Variants in GARIN5A observed in about 807,000 individuals in gnomAD.
GARIN5A encodes Golgi-associated RAB2 interactor protein 5A.
the GARIN5A span, among the ~76,000 whole-genome samples, chr19:50,473,286 T>TTCCC: frequency 2.0e-5 from 3 of 152,150 alleles, no homozygotes; most frequent in Non-Finnish European, 4.4e-5. Flanking sequence ...CCTTCCTTCC[T>TTCCC]TCCCTCCTTC....
the GARIN5A span, chr19:50,467,566 T>A: frequency 6.5e-7 from 1 of 1,534,024 alleles, no homozygotes; most frequent in Non-Finnish European, 8.8e-7. Flanking sequence ...CTCCTCCCAC[T>A]CCCTCTGGGC....
the GARIN5A span, chr19:50,467,772 G>C: frequency 1.9e-6 from 3 of 1,611,920 alleles, no homozygotes; most frequent in Non-Finnish European, 2.5e-6. Context: ...ACTTGACCTC[G>C]AGCTGACACC....
chr19:50,475,009 A>T, the GARIN5A span, among the ~76,000 whole-genome samples: 1 of 152,326 alleles, frequency 6.6e-6, no homozygotes, highest in East Asian at 1.9e-4. Flanking sequence ...ATGTGAAGAT[A>T]TGAGGTCAGA....
At chr19:50,475,048 G>C in the GARIN5A span, among the ~76,000 whole-genome samples, 1 of 152,204 alleles carries the variant, frequency 6.6e-6, no homozygotes, top group Non-Finnish European at 1.5e-5. Context: ...GCCTAGGGGC[G>C]TCTGGCATGA....
the GARIN5A span, among the ~76,000 whole-genome samples, chr19:50,473,606 C>G: frequency 4.6e-5 from 7 of 152,238 alleles, no homozygotes; most frequent in East Asian, 1.4e-3. Context: ...GTAATCCTCC[C>G]ACCTCAGCCT....
the GARIN5A span, chr19:50,475,637 T>A: frequency 1.4e-6 from 1 of 701,964 alleles, no homozygotes; most frequent in Non-Finnish European, 2.4e-6. Flanking sequence ...TCAGGGAAAC[T>A]GAGGCAAGGG....
chr19:50,472,347 G>T, the GARIN5A span, among the ~76,000 whole-genome samples: 1 of 151,262 alleles, frequency 6.6e-6, no homozygotes, highest in African/African-American at 2.4e-5. Context: ...GTCAGAAACT[G>T]CCCCAGAATA....
At chr19:50,472,168 G>A in the GARIN5A span, among the ~76,000 whole-genome samples, 5,894 of 122,928 alleles carry the variant, frequency 0.048, 683 homozygotes, top group African/African-American at 0.2. Context: ...GTATGTATAC[G>A]TGTGTATATG....
chr19:50,472,243 TTA>T, the GARIN5A span, among the ~76,000 whole-genome samples: 1 of 133,876 alleles, frequency 7.5e-6, no homozygotes, highest in South Asian at 2.3e-4. Context: ...TATGTGTGTA[TTA>T]TATATACATG....
the GARIN5A span, chr19:50,476,290 A>C: frequency 9.4e-5 from 151 of 1,603,358 alleles, no homozygotes; most frequent in South Asian, 2.2e-4. Flanking sequence ...CATGATGCGG[A>C]GCGGGCTTTA....
chr19:50,472,261 G>A, the GARIN5A span, among the ~76,000 whole-genome samples: 4 of 115,972 alleles, frequency 3.4e-5, no homozygotes, highest in Admixed American at 2.4e-4. Context: ...ACATGTATGT[G>A]TGTATATATG....
the GARIN5A span, among the ~76,000 whole-genome samples, chr19:50,472,030 G>GTACGTGTGTGTATATGTATATA: frequency 7.2e-6 from 1 of 138,830 alleles, no homozygotes; most frequent in Non-Finnish European, 1.5e-5. Flanking sequence ...ATATGTATAT[G>GTACGTGTGTGTATATGTATATA]TACGTGTGTG....
the GARIN5A span, chr19:50,475,918 C>T: frequency 3.1e-6 from 5 of 1,613,592 alleles, no homozygotes; most frequent in East Asian, 2.2e-5. Context: ...CCGTCTGGGA[C>T]GGCCCGTGGG....
At chr19:50,467,665 C>T in the GARIN5A span, 44 of 1,580,898 alleles carry the variant, frequency 2.8e-5, no homozygotes, top group African/African-American at 5.4e-5. Context: ...AGAGAGGAAG[C>T]GCAGGCGGTA....
At chr19:50,471,622 ATG>A in the GARIN5A span, among the ~76,000 whole-genome samples, 1 of 151,990 alleles carries the variant, frequency 6.6e-6, no homozygotes, top group Admixed American at 6.5e-5. Context: ...GTGTATATAT[ATG>A]TGTGTATACA....
the GARIN5A span, chr19:50,476,357 T>A: frequency 2.5e-6 from 4 of 1,573,460 alleles, no homozygotes; most frequent in South Asian, 4.7e-5. Context: ...AGGGGGCGGC[T>A]CCTGGAGATC....
the GARIN5A span, among the ~76,000 whole-genome samples, chr19:50,468,488 G>A: frequency 1.3e-5 from 2 of 151,756 alleles, no homozygotes; most frequent in African/African-American, 4.8e-5. Flanking sequence ...ACTCCTCTTG[G>A]TCTTCCCTGT....
At chr19:50,469,878 T>C in the GARIN5A span, among the ~76,000 whole-genome samples, 1 of 152,118 alleles carries the variant, frequency 6.6e-6, no homozygotes, top group African/African-American at 2.4e-5. Context: ...CCAGTGTCCC[T>C]CAGTGGGTGA....
chr19:50,476,535 A>T, the GARIN5A span: 1 of 1,571,056 alleles, frequency 6.4e-7, no homozygotes, highest in South Asian at 1.1e-5. Flanking sequence ...GCTGGTGGGA[A>T]GAAGCCGAGA....
Sources: gnomAD v4.1 joint callset for allele counts (sites outside exome capture counted in the v4.1 genomes callset) on GRCh38, gnomAD v4.1.1 for gene constraint, MANE v1.5 for transcripts, NCBI Gene and HGNC (gene_info 2026-07-23, HGNC 2026-07-21) for gene names.